PLCG2: variants seen among roughly 807,000 people sequenced by gnomAD.
PLCG2 encodes the protein phospholipase C gamma 2, also known as 1-phosphatidylinositol 4,5-bisphosphate phosphodiesterase gamma-2.
In PLCG2, 69 loss-of-function variants were observed where a neutral mutation model predicts 175.6. The observed-to-expected ratio is 0.39, with a 90% CI of 0.32 to 0.48. The LOEUF (loss-of-function observed/expected upper bound fraction) is 0.48, where lower values mean the gene tolerates loss of function less well. Among genes scored for constraint, PLCG2 ranks in the 20% least tolerant of loss-of-function variants. PLCG2 has a pLI of 0.91. For synonymous variants in PLCG2, 827 were observed against 624.0 expected, an observed-to-expected ratio of 1.33 and a Z score of -4.85; for missense variants, 1,798 against 1,650.9, an observed-to-expected ratio of 1.09 and a Z score of -1.54.
rs148687012 is a variant in PLCG2 at position 81,849,902 on chromosome 16, A to C, written c.194-4542A>C. ...TTAAAGTCACTAGACTTTCACTGGC[A>C]GTCAACTGGGTGGGTGAATAACTAA... is the stretch of plus-strand genomic sequence containing the variant. On this transcript the variant is annotated intron_variant, in intron 2 of 32. Transcript: ENST00000564138. Among the ~76,000 whole-genome samples the C allele has an allele frequency of 4.5e-3, 678 of 152,326 alleles. 10 individuals carry two copies. The highest frequency in any genetic ancestry group is 0.015 in the African/African-American group (612 of 41,572).
At chr16:81,844,613 T>G (rs1274454634) in intron 2 of PLCG2, among the ~76,000 whole-genome samples, 6 of 152,244 alleles carry the variant, frequency 3.9e-5, no homozygotes, top group Non-Finnish European at 8.8e-5. Flanking sequence ...TGAGCCACTG[T>G]GCCTGGCCCA....
At position 81,960,581 on chromosome 16, in the gene PLCG2, GGAGT is replaced by G. The variant is rs1266856442; in HGVS notation, c.*2586_*2589del. 1 of 231,618 alleles carries G rather than the reference GGAGT, an allele frequency of 4.3e-6. No homozygotes were observed. The highest frequency in any genetic ancestry group is 8.5e-6 in the Non-Finnish European group (1 of 117,108). 14.3% of individuals were successfully genotyped at this position (231,618 alleles called of 1,614,324 possible). ...TTTCTACTGTGAGACTAGATGTGCA[GGAGT>G]GAAAGGTGTAGAGGGTCTTGTTTTC... On this transcript the variant is annotated 3_prime_UTR_variant, in exon 33 of 33. Coordinates refer to ENST00000564138, the MANE Select transcript of PLCG2 (RefSeq NM_002661.5).
intron 1 of PLCG2, among the ~76,000 whole-genome samples, chr16:81,779,963 AT>A (rs1830776494): frequency 6.6e-6 from 1 of 152,190 alleles, no homozygotes; most frequent in African/African-American, 2.4e-5. Context: ...CTGCGTAATT[AT>A]GCGTGTGTCT....
chr16:81,837,939 T>C (rs1354205148), intron 2 of PLCG2, among the ~76,000 whole-genome samples: 2 of 152,200 alleles, frequency 1.3e-5, no homozygotes, highest in African/African-American at 4.8e-5. Flanking sequence ...CTTGTACTTG[T>C]GTGTATTTAG....
chr16:81,931,447 G>A (rs1160899857), intron 24 of PLCG2, 50 bp from the exon 25 acceptor site: 2 of 1,581,922 alleles, frequency 1.3e-6, no homozygotes, highest in Non-Finnish European at 1.7e-6. Flanking sequence ...TCTGGTCTTT[G>A]TGGCCCTCTA....
At chr16:81,861,213 A>G (rs1906964848) in intron 5 of PLCG2, among the ~76,000 whole-genome samples, 1 of 152,074 alleles carries the variant, frequency 6.6e-6, no homozygotes, top group South Asian at 2.1e-4. Context: ...TGATTTATTT[A>G]TGTCATTATC....
intron 2 of PLCG2, among the ~76,000 whole-genome samples, chr16:81,792,833 A>G (rs779890172): frequency 2.0e-5 from 3 of 152,188 alleles, no homozygotes; most frequent in Non-Finnish European, 4.4e-5. Flanking sequence ...ACGACAATTT[A>G]AGATGAGATT....
At chr16:81,784,930 C>T (rs947827169) in intron 1 of PLCG2, among the ~76,000 whole-genome samples, 2 of 152,044 alleles carry the variant, frequency 1.3e-5, no homozygotes, top group African/African-American at 4.8e-5. Flanking sequence ...GGGAATGGTA[C>T]AGAGTGAGGG....
rs551537526 is a variant in PLCG2 at position 81,752,184 on chromosome 16, C to T, written c.-144-3686C>T. On this transcript the variant is annotated intron_variant, in intron 1 of 5. Transcript: ENST00000565054. ...TGAGCTGGGAGCTCCCACTGTTCCC[C>T]AACACTGCGTCTCAGAGTTCCCTGA... Among the ~76,000 whole-genome samples, 6 of 152,200 alleles carry T rather than the reference C, an allele frequency of 3.9e-5. No individual in the cohort carries two copies. The East Asian group carries it at 1.2e-3, about 29-fold the overall frequency.
At chr16:81,757,025 C>G (rs1234891208) in intron 2 of PLCG2, among the ~76,000 whole-genome samples, 2 of 152,168 alleles carry the variant, frequency 1.3e-5, no homozygotes, top group African/African-American at 4.8e-5. Flanking sequence ...GACTCTGTAT[C>G]TTGGTGAGTG....
intron 2 of PLCG2, among the ~76,000 whole-genome samples, chr16:81,840,750 A>G (rs1370347471): frequency 6.6e-6 from 1 of 152,212 alleles, no homozygotes; most frequent in Non-Finnish European, 1.5e-5. Context: ...AACGGGCCAC[A>G]GACAGGTGCC....
At chr16:81,877,312 T>C (rs546077945) in intron 7 of PLCG2, among the ~76,000 whole-genome samples, 188 of 152,192 alleles carry the variant, frequency 1.2e-3, no homozygotes, top group African/African-American at 4.0e-3. Flanking sequence ...AAAAATTAGC[T>C]GGGCATAGTG....
chr16:81,909,302 G>A (rs1909515129), intron 17 of PLCG2, among the ~76,000 whole-genome samples: 1 of 152,182 alleles, frequency 6.6e-6, no homozygotes, highest in South Asian at 2.1e-4. Flanking sequence ...GGTTTAATGT[G>A]AGTTGGGGGG....
chr16:81,765,469 T>C (rs568400233), intron 2 of PLCG2, among the ~76,000 whole-genome samples: 2 of 152,218 alleles, frequency 1.3e-5, no homozygotes, highest in South Asian at 2.1e-4. Flanking sequence ...TGTTTCTACA[T>C]AAAATACAAA....
At chr16:81,915,546 G>A (rs1909804597) in intron 19 of PLCG2, among the ~76,000 whole-genome samples, 1 of 152,226 alleles carries the variant, frequency 6.6e-6, no homozygotes, top group Non-Finnish European at 1.5e-5. Flanking sequence ...TTCTCCCAGG[G>A]AAGTTAGTTG....
At chr16:81,891,382 C>G (rs1024824089) in intron 10 of PLCG2, 90 bp from the exon 11 acceptor site, 7 of 788,594 alleles carry the variant, frequency 8.9e-6, no homozygotes, top group Middle Eastern at 2.3e-4. Context: ...CAGAGCTGTT[C>G]TTCCCCCCTG....
intron 21 of PLCG2, among the ~76,000 whole-genome samples, chr16:81,922,365 A>T (rs907354400): frequency 6.6e-6 from 1 of 152,230 alleles, no homozygotes; most frequent in Non-Finnish European, 1.5e-5. Context: ...CAAAATGGGC[A>T]TACTCATATA....
chr16:81,956,311 C>G (rs978750950), intron 31 of PLCG2, among the ~76,000 whole-genome samples: 5 of 152,104 alleles, frequency 3.3e-5, no homozygotes, highest in African/African-American at 4.8e-5. Flanking sequence ...GTTTTTTTCT[C>G]CTCTGCTGGG....
rs1204547056 is a variant in PLCG2, at chr16:81,958,404, T to A, written c.*406T>A. On this transcript the variant is annotated 3_prime_UTR_variant, in exon 33 of 33. Transcript: ENST00000564138. ...TAACTGATGTCCATGGAGGATGAGC[T>A]GGAAATGTAAGAAACTATTCATGAG... 1 of 249,900 alleles carries A rather than the reference T, an allele frequency of 4.0e-6. No homozygotes were observed. Among genetic ancestry groups the A allele is most frequent in the African/African-American group, 2.2e-5 (1 of 45,750 alleles). 15.5% of individuals were successfully genotyped at this position (249,900 alleles called of 1,614,324 possible). A position where few individuals can be genotyped will look rare whatever the true frequency, so the allele number is the denominator to read the frequency against.
Sources: allele counts gnomAD v4.1 joint callset (sites outside exome capture counted in the v4.1 genomes callset), GRCh38; gene constraint gnomAD v4.1.1; transcripts MANE v1.5; gene names NCBI Gene and HGNC (gene_info 2026-07-23, HGNC 2026-07-21).